The following REXO1 variants were observed in gnomAD, a reference collection of about 807,000 sequenced individuals.
REXO1 encodes RNA exonuclease 1 homolog, also known as REX1, RNA exonuclease 1 homolog.
REXO1 carries 42 observed loss-of-function variants against 102.6 expected under a neutral mutation model. That is an observed-to-expected ratio of 0.41 (90% CI 0.32 to 0.53). The LOEUF (loss-of-function observed/expected upper bound fraction) is 0.53, where lower values mean the gene tolerates loss of function less well. Among genes scored for constraint, REXO1 ranks in the 20% least tolerant of loss-of-function variants. REXO1 has a pLI of 0.27. For missense variants in REXO1, 1,819 were observed against 1,732.5 expected (o/e 1.05, Z -0.89); for synonymous variants, 908 against 779.1 (o/e 1.17, Z -2.76).
intron 3 of REXO1, among the ~76,000 whole-genome samples, chr19:1,825,368 G>A (rs944932982): frequency 4.6e-5 from 7 of 151,312 alleles, no homozygotes; most frequent in Non-Finnish European, 7.4e-5. Context: ...GAAGCTGGGA[G>A]CAGTGGCTCA....
At chr19:1,832,110 G>A (rs979253970) in intron 1 of REXO1, among the ~76,000 whole-genome samples, 2 of 152,204 alleles carry the variant, frequency 1.3e-5, no homozygotes, top group East Asian at 3.8e-4. Context: ...TTTAAAGAGG[G>A]AGGCAGGAGG....
chr19:1,820,083 A>T, intron 6 of REXO1, 26 bp from the exon 7 acceptor site: 1 of 1,591,288 alleles, frequency 6.3e-7, no homozygotes, highest in Non-Finnish European at 8.5e-7. Flanking sequence ...TGCCCAGCTG[A>T]GGCCATGCCT....
intron 1 of REXO1, chr19:1,830,887 A>C (rs2069883075): frequency 6.5e-6 from 1 of 153,962 alleles, no homozygotes. Flanking sequence ...ACAACAATAA[A>C]TAACGCAGGA....
At chr19:1,823,813 GC>G in intron 3 of REXO1, 28 bp from the exon 4 acceptor site, 1 of 1,126,370 alleles carries the variant, frequency 8.9e-7, no homozygotes, top group East Asian at 3.2e-5. Context: ...CTAAGGCCTG[GC>G]AGCACAGCGG....
At chr19:1,825,360 A>T (rs945804022) in intron 3 of REXO1, among the ~76,000 whole-genome samples, 1 of 151,488 alleles carries the variant, frequency 6.6e-6, no homozygotes, top group Admixed American at 6.6e-5. Flanking sequence ...AGAGGGATGA[A>T]GCTGGGAGCA....
intron 1 of REXO1, among the ~76,000 whole-genome samples, chr19:1,845,301 C>T (rs903572354): frequency 6.6e-6 from 1 of 152,194 alleles, no homozygotes; most frequent in Non-Finnish European, 1.5e-5. Flanking sequence ...CCCAGGGCTA[C>T]ACGGTGCCCG....
chr19:1,818,892 C>T (rs576744584), intron 8 of REXO1, 49 bp from the exon 9 acceptor site: 67 of 1,594,300 alleles, frequency 4.2e-5, no homozygotes, highest in South Asian at 3.5e-4. Flanking sequence ...GCCCACGGGG[C>T]GGTAGACACC....
rs200037442 is a variant in REXO1, at chr19:1,820,344, C to T, written c.2446G>A (p.Val816Ile). Reference protein sequence around the residue: ...PKEFGGKVPTVIRQRYLNLFI... With the variant: ...PKEFGGKVPTIIRQRYLNLFI... The stretch of plus-strand genomic sequence containing the variant: ...AGGTTGAGATAGCGCTGGCGGATGA[C>T]GGTGGGGACTTTGCCCCCAAACTCT... The change falls in exon 6 of 16, where the codon GTC becomes ATC. Residue 816 changes from valine to isoleucine, a missense_variant. Transcript: ENST00000170168. The T allele has an allele frequency of 4.2e-5, 67 of 1,613,738 alleles. No homozygotes were observed. Among genetic ancestry groups the T allele is most frequent in the Middle Eastern group, 1.6e-4 (1 of 6,084 alleles).
intron 10 of REXO1, among the ~76,000 whole-genome samples, chr19:1,818,029 A>T (rs1432631898): frequency 6.6e-6 from 1 of 152,108 alleles, no homozygotes; most frequent in Non-Finnish European, 1.5e-5. Context: ...CCCGGGCAGC[A>T]CCCTCCAGGT....
rs763625805 is a variant in REXO1, at chr19:1,816,582, G to A, written c.3318-13C>T. The A allele has an allele frequency of 1.2e-6, 2 of 1,602,200 alleles. No individual in the cohort carries two copies. Among genetic ancestry groups the A allele is most frequent in the South Asian group, 1.1e-5 (1 of 90,838 alleles). ...CACCCCCGAAAACCTGGGGGAACGG[G>A]CAGGAGGGGCACCAGGGCTCAGCCT... On this transcript the variant is annotated splice_polypyrimidine_tract_variant and intron_variant, in intron 13 of 15. Coordinates refer to ENST00000170168, the MANE Select transcript of REXO1 (RefSeq NM_020695.4).
chr19:1,828,165 C>A lies in REXO1; in HGVS notation c.624G>T (p.Gln208His). The change falls in exon 2 of 16, where the codon CAG becomes CAT. Residue 208 changes from glutamine to histidine, a missense_variant. By Grantham distance (24) the Gln-to-His change is conservative (BLOSUM62 0). Transcript: ENST00000170168. ...GAACGGGGCGGCTGTGCCGCCGGGG[C>A]TGGCTCACAGCCTTGGGGACGTATT... ...ALEYVPKAVS[Q>H]PRRHSRPVPS... is the part of the protein sequence containing the mutation. The A allele has an allele frequency of 1.2e-6, 2 of 1,610,132 alleles. No homozygotes were observed. Among genetic ancestry groups the A allele is most frequent in the South Asian group, 1.1e-5 (1 of 90,674 alleles).
At chr19:1,845,114 G>A (rs1377356560) in intron 1 of REXO1, among the ~76,000 whole-genome samples, 1 of 152,202 alleles carries the variant, frequency 6.6e-6, no homozygotes, top group Non-Finnish European at 1.5e-5. Flanking sequence ...TGGGAGGAAG[G>A]TGGGATCTAG....
chr19:1,834,511 T>C (rs1008008836), intron 1 of REXO1, among the ~76,000 whole-genome samples: 3 of 152,154 alleles, frequency 2.0e-5, no homozygotes, highest in African/African-American at 7.2e-5. Flanking sequence ...CCTCCCCGGC[T>C]CCAGCGATCC....
At chr19:1,846,753 G>A (rs149266722) in intron 1 of REXO1, among the ~76,000 whole-genome samples, 1 of 152,224 alleles carries the variant, frequency 6.6e-6, no homozygotes, top group East Asian at 1.9e-4. Context: ...AGCCAGGCTT[G>A]GTGGCACCCG....
At chr19:1,822,941 C>T in intron 4 of REXO1, 1 of 152,624 alleles carries the variant, frequency 6.6e-6, no homozygotes, top group Non-Finnish European at 1.5e-5. Flanking sequence ...CAGACCAGAA[C>T]CTGCATTTTT....
Position 1,825,926 on chromosome 19 carries a change from C to A in REXO1, c.1929G>T (p.Lys643Asn). ...RLARQPPKEE[K>N]SEEKGLSGLT... ...GACCCGAAAGCCCCTTCTCCTCACTCTTCTCTTCCTTGGGGGGCTAAGACA... is the reference window on the plus strand; with the variant it reads ...GACCCGAAAGCCCCTTCTCCTCACTATTCTCTTCCTTGGGGGGCTAAGACA... The change falls in exon 3 of 16, where the codon AAG becomes AAT. Residue 643 changes from lysine (K) to asparagine (N), a missense_variant. Lys to Asn is a moderately conservative substitution (Grantham distance 94). Coordinates refer to ENST00000170168, the MANE Select transcript of REXO1 (RefSeq NM_020695.4). 6.2e-7 allele frequency: 1 copy of A among 1,600,108 alleles called. No individual in the cohort carries two copies. The highest frequency in any genetic ancestry group is 8.5e-7 in the Non-Finnish European group (1 of 1,175,716).
chr19:1,832,170 G>A (rs1373039198), intron 1 of REXO1, among the ~76,000 whole-genome samples: 1 of 152,218 alleles, frequency 6.6e-6, no homozygotes, highest in South Asian at 2.1e-4. Flanking sequence ...TTGAAGGGGA[G>A]GAAGGCGCCC....
chr19:1,834,902 G>C, intron 1 of REXO1: 2 of 358,118 alleles, frequency 5.6e-6, no homozygotes, highest in South Asian at 1.9e-5. Flanking sequence ...TCTGCACCAC[G>C]GCCTCTCCTC....
At chr19:1,819,220 C>G in intron 7 of REXO1, 89 bp from the exon 8 acceptor site, 1 of 984,260 alleles carries the variant, frequency 1.0e-6, no homozygotes, top group Non-Finnish European at 1.5e-6. Context: ...CTGCCCTCCT[C>G]AGACCTCTGC....
Sources: gnomAD v4.1 joint callset for allele counts (sites outside exome capture counted in the v4.1 genomes callset) on GRCh38, gnomAD v4.1.1 for gene constraint, MANE v1.5 for transcripts, NCBI Gene and HGNC (gene_info 2026-07-23, HGNC 2026-07-21) for gene names.